Variants in TCF7L2 observed in about 807,000 individuals in gnomAD.
The protein encoded by TCF7L2 is transcription factor 7-like 2.
In TCF7L2, 23 loss-of-function variants were observed where a neutral mutation model predicts 77.9. That is an observed-to-expected ratio of 0.30 (90% CI 0.21 to 0.42). TCF7L2 has a LOEUF of 0.42. Among genes scored for constraint, TCF7L2 ranks in the 10% least tolerant of loss-of-function variants. TCF7L2 has a pLI of 1.00. For missense variants in TCF7L2, 654 were observed against 793.1 expected, an observed-to-expected ratio of 0.82 and a Z score of 2.11; for synonymous variants, 413 against 340.2, an observed-to-expected ratio of 1.21 and a Z score of -2.36.
intron 3 of TCF7L2, among the ~76,000 whole-genome samples, chr10:112,957,555 G>A (rs1039672496): frequency 6.8e-4 from 104 of 152,114 alleles, no homozygotes; most frequent in Admixed American, 3.0e-3. Context: ...AGAAAGATAA[G>A]AAAAGTATAA....
chr10:113,064,247 C>A (rs981680453), intron 5 of TCF7L2, among the ~76,000 whole-genome samples: 4 of 152,188 alleles, frequency 2.6e-5, no homozygotes, highest in Non-Finnish European at 5.9e-5. Context: ...GAACTGCCTC[C>A]TCTGGGAGAG....
At chr10:112,968,631 T>G (rs1589801476) in intron 4 of TCF7L2, among the ~76,000 whole-genome samples, 1 of 152,100 alleles carries the variant, frequency 6.6e-6, no homozygotes, top group Admixed American at 6.6e-5. Context: ...CAGGCTGGAG[T>G]GCAGTGGCGT....
intron 5 of TCF7L2, among the ~76,000 whole-genome samples, chr10:113,080,895 G>A (rs1355955567): frequency 6.6e-6 from 1 of 152,184 alleles, no homozygotes; most frequent in Non-Finnish European, 1.5e-5. Context: ...TTGGTTAGTG[G>A]AAATGAGAAA....
intron 5 of TCF7L2, among the ~76,000 whole-genome samples, chr10:113,046,237 T>C (rs1416137964): frequency 3.3e-5 from 5 of 152,186 alleles, no homozygotes; most frequent in Admixed American, 3.3e-4. Context: ...AGAAGGATTG[T>C]GTGACCTCAG....
rs2074017005 is a variant in TCF7L2 at position 113,165,892 on chromosome 10, A to G, written c.1729A>G (p.Thr577Ala). The G allele has an allele frequency of 3.1e-6, 5 of 1,599,794 alleles. No individual in the cohort carries two copies. The highest frequency in any genetic ancestry group is 4.3e-6 in the Non-Finnish European group (5 of 1,172,580). Residue 577 changes from threonine (T) to alanine (A), a missense_variant, in exon 14 of 14, where the codon ACT becomes GCT. This residue lies in a region of TCF7L2 where 272 missense variants were observed against 215.4 expected (regional missense o/e 1.26). Transcript: ENST00000627217. Reference sequence around the variant, plus strand: ...CTCCTCATCAATTGCACAGCCGTCGACTTCTTCCTTACATTCCCACAGCTC... The same window carrying G: ...CTCCTCATCAATTGCACAGCCGTCGGCTTCTTCCTTACATTCCCACAGCTC...
intron 5 of TCF7L2, among the ~76,000 whole-genome samples, chr10:113,082,727 G>A (rs1477190541): frequency 2.0e-5 from 3 of 151,968 alleles, no homozygotes; most frequent in Non-Finnish European, 2.9e-5. Context: ...GGGGTGCATC[G>A]CTTCTGTACG....
chr10:113,061,488 A>G (rs1189650920), intron 5 of TCF7L2, among the ~76,000 whole-genome samples: 4 of 152,164 alleles, frequency 2.6e-5, no homozygotes, highest in Non-Finnish European at 4.4e-5. Context: ...TGAAACTTCA[A>G]TTTCCAATTT....
chr10:113,161,858 A>G (rs898099970), intron 13 of TCF7L2, among the ~76,000 whole-genome samples: 3 of 152,134 alleles, frequency 2.0e-5, no homozygotes, highest in Non-Finnish European at 4.4e-5. Context: ...ATTCCCTGAG[A>G]GGGAGCCACA....
chr10:113,119,955 A>G (rs895612289), intron 5 of TCF7L2, among the ~76,000 whole-genome samples: 3 of 152,204 alleles, frequency 2.0e-5, no homozygotes, highest in East Asian at 1.9e-4. Context: ...GGAATATCCA[A>G]TTAATTCCAC....
chr10:113,034,033 C>A (rs888232898), intron 4 of TCF7L2, among the ~76,000 whole-genome samples: 2 of 152,186 alleles, frequency 1.3e-5, no homozygotes, highest in Non-Finnish European at 2.9e-5. Context: ...GATTCCGTGA[C>A]GCCCAGGCAA....
At chr10:113,075,445 G>A (rs1201241556) in intron 5 of TCF7L2, among the ~76,000 whole-genome samples, 1 of 142,682 alleles carries the variant, frequency 7.0e-6, no homozygotes, top group Non-Finnish European at 1.5e-5. Context: ...GGCGACAAGA[G>A]CGAAACTCTG....
intron 4 of TCF7L2, among the ~76,000 whole-genome samples, chr10:112,971,801 C>T (rs1006466066): frequency 6.8e-6 from 1 of 146,676 alleles, no homozygotes; most frequent in African/African-American, 2.5e-5. Flanking sequence ...TTAGTAGAGA[C>T]GAGGTCTCAC....
chr10:113,144,289 C>T (rs1298179076), intron 7 of TCF7L2, among the ~76,000 whole-genome samples: 1 of 152,104 alleles, frequency 6.6e-6, no homozygotes, highest in Non-Finnish European at 1.5e-5. Flanking sequence ...CCATGGTCCC[C>T]AGAGGCTCTG....
intron 5 of TCF7L2, among the ~76,000 whole-genome samples, chr10:113,098,095 G>T (rs913514716): frequency 2.7e-5 from 4 of 148,194 alleles, no homozygotes; most frequent in Non-Finnish European, 6.0e-5. Flanking sequence ...AGAAACACAT[G>T]TCGTACCTGA....
At chr10:113,127,839 G>A (rs1255493919) in intron 5 of TCF7L2, among the ~76,000 whole-genome samples, 1 of 146,252 alleles carries the variant, frequency 6.8e-6, no homozygotes, top group African/African-American at 2.5e-5. Flanking sequence ...GGTCTGTCTA[G>A]CATGAGTTAG....
Position 113,151,562 on chromosome 10 carries a change from A to T in TCF7L2, c.1002-163A>T, listed in dbSNP as rs143698392. On this transcript the variant is annotated intron_variant, in intron 9 of 13. Coordinates refer to ENST00000627217, the MANE Select transcript of TCF7L2 (RefSeq NM_001146274.2). This position sits in a 1 kb window ranked among gnomAD's most constrained non-coding sequence, Gnocchi z 5.2. ...TCTTCCCCCAACCCCTCCCCAAGCT[A>T]TTTTTGTTCCATTTTCCGGGGTGCA... 9.2e-5 allele frequency among the ~76,000 whole-genome samples: 14 copies of T among 152,060 alleles called. No homozygotes were observed. The East Asian group carries it at 2.7e-3, about 29-fold the overall frequency.
At chr10:113,048,644 T>C (rs1332532477) in intron 5 of TCF7L2, among the ~76,000 whole-genome samples, 2 of 152,212 alleles carry the variant, frequency 1.3e-5, no homozygotes, top group African/African-American at 2.4e-5. Context: ...AATCCAACCT[T>C]ATACATTCCA....
At chr10:113,021,012 A>T (rs2048186131) in intron 4 of TCF7L2, among the ~76,000 whole-genome samples, 1 of 152,200 alleles carries the variant, frequency 6.6e-6, no homozygotes, top group Admixed American at 6.5e-5. Flanking sequence ...AAGCCCTGTG[A>T]TCGTTCTCTT....
chr10:113,067,755 C>T (rs2057436078), intron 5 of TCF7L2, among the ~76,000 whole-genome samples: 1 of 152,076 alleles, frequency 6.6e-6, no homozygotes, highest in Non-Finnish European at 1.5e-5. Flanking sequence ...TGCTCTGCCT[C>T]ATGGTTGAAC....
Sources: gnomAD v4.1 joint callset for allele counts (sites outside exome capture counted in the v4.1 genomes callset) on GRCh38, gnomAD v4.1.1 for gene constraint, gnomAD v4.1.1 regional missense constraint, Gnocchi (gnomAD v3.1) non-coding constraint, MANE v1.5 for transcripts, NCBI Gene and HGNC (gene_info 2026-07-23, HGNC 2026-07-21) for gene names.